RNF130: variants seen among roughly 807,000 people sequenced by gnomAD.
RNF130 encodes E3 ubiquitin-protein ligase RNF130.
RNF130 carries 21 observed loss-of-function variants against 44.6 expected under a neutral mutation model. That is an observed-to-expected ratio of 0.47 (90% CI 0.33 to 0.68). The LOEUF is 0.68. Ranked by LOEUF, RNF130 falls within the 30% of genes least tolerant of loss-of-function variation. The probability of loss-of-function intolerance (pLI) is 0.02; values close to 1 mark genes in which losing one functional copy is unlikely to be tolerated. For missense variants in RNF130, 479 were observed against 560.6 expected (o/e 0.85, Z 1.47); for synonymous variants, 214 against 210.4 (o/e 1.02, Z -0.15).
exon 8 of RNF130, chr5:179,912,702 G>C (rs896767185): frequency 6.6e-6 from 1 of 152,250 alleles, no homozygotes; most frequent in African/African-American, 2.4e-5. Context: ...AAGAGAAATG[G>C]CCAGGACGGT....
At chr5:179,932,361 G>A (rs193275102) in intron 7 of RNF130, among the ~76,000 whole-genome samples, 45 of 152,082 alleles carry the variant, frequency 3.0e-4, no homozygotes, top group African/African-American at 9.9e-4. Context: ...AGGTTCAAGC[G>A]ATTCTCCTCC....
chr5:180,036,476 C>T (rs1178038117), intron 2 of RNF130, among the ~76,000 whole-genome samples: 1 of 152,206 alleles, frequency 6.6e-6, no homozygotes, highest in East Asian at 1.9e-4. Context: ...GCAGAAACTC[C>T]ACACAGCATA....
At chr5:179,992,612 T>A (rs1378561701) in intron 3 of RNF130, among the ~76,000 whole-genome samples, 1 of 152,224 alleles carries the variant, frequency 6.6e-6, no homozygotes, top group Non-Finnish European at 1.5e-5. Context: ...TGTCATATTA[T>A]CTTTTTCATA....
intron 1 of RNF130, among the ~76,000 whole-genome samples, chr5:180,041,742 A>G (rs1343583028): frequency 6.6e-6 from 1 of 152,228 alleles, no homozygotes; most frequent in Non-Finnish European, 1.5e-5. Context: ...AAGGGAACAC[A>G]GCGCATGGAT....
chr5:179,965,305 G>A (rs778512523), intron 7 of RNF130, among the ~76,000 whole-genome samples: 2 of 152,222 alleles, frequency 1.3e-5, no homozygotes, highest in Non-Finnish European at 2.9e-5. Context: ...GGGTGCCAGC[G>A]GGAGGCACTG....
In RNF130 at chr5:180,043,946, G is replaced by A. The variant is rs1328350095; in HGVS notation, c.248-3299C>T. Among the ~76,000 whole-genome samples the A allele has an allele frequency of 2.0e-5, 3 of 152,110 alleles. 1 individual carries two copies. Among genetic ancestry groups the A allele is most frequent in the African/African-American group, 7.2e-5 (3 of 41,428 alleles). On this transcript the variant is annotated intron_variant, in intron 1 of 8. Coordinates refer to ENST00000521389, the MANE Select transcript of RNF130 (RefSeq NM_018434.6). ...TTTTCATAAACAGGAACTTAATACT[G>A]TAGTATACTCATTCTACCTAGTTAT...
rs774401470 is a variant in RNF130, at chr5:180,040,518, T to C, written c.377A>G (p.Asn126Ser). 1.9e-6 allele frequency: 3 copies of C among 1,614,104 alleles called. No individual in the cohort carries two copies. Among genetic ancestry groups the C allele is most frequent in the Middle Eastern group, 1.6e-4 (1 of 6,084 alleles). ...KEKISRAAFH[N>S]AVAVVIYNNK... is the part of the protein sequence containing the mutation. ...ATTGTAGATGACTACAGCAACTGCA[T>C]TGTGGAAAGCGGCCCGTGATATTTT... is the stretch of plus-strand genomic sequence containing the variant. Residue 126 changes from asparagine to serine, a missense_variant, in exon 2 of 9, where the codon AAT becomes AGT. Coordinates refer to ENST00000521389, the MANE Select transcript of RNF130 (RefSeq NM_018434.6).
chr5:179,958,893 C>T (rs1762267044), intron 8 of RNF130, among the ~76,000 whole-genome samples: 1 of 152,098 alleles, frequency 6.6e-6, no homozygotes, highest in Non-Finnish European at 1.5e-5. Context: ...GTTGGCTAGG[C>T]TTGTCTTGAA....
intron 1 of RNF130, among the ~76,000 whole-genome samples, chr5:180,051,385 G>A (rs1238795648): frequency 6.6e-6 from 1 of 151,974 alleles, no homozygotes; most frequent in Non-Finnish European, 1.5e-5. Flanking sequence ...GAGTAGCTGG[G>A]ACTACAGGTG....
At chr5:179,954,328 A>G (rs759458665), downstream of RNF130, among the ~76,000 whole-genome samples, 4 of 152,260 alleles carry the variant, frequency 2.6e-5, no homozygotes, top group Admixed American at 6.5e-5. Flanking sequence ...ACAGCCGAAC[A>G]GCGGAAACAA....
rs995943447 is a variant in RNF130, at chr5:179,977,983, G to A, written c.848+220C>T. Among the ~76,000 whole-genome samples the A allele has an allele frequency of 5.3e-5, 8 of 152,206 alleles. No homozygotes were observed. Among genetic ancestry groups the A allele is most frequent in the African/African-American group, 9.6e-5 (4 of 41,454 alleles). ...GAGTCTGGAGGCCGCGTGCCACATC[G>A]CATATTGGCTACACCTCGGAAGGCC... On this transcript the variant is annotated intron_variant, in intron 5 of 8. Coordinates refer to ENST00000521389, the MANE Select transcript of RNF130 (RefSeq NM_018434.6). This position sits in a 1 kb window ranked among gnomAD's most constrained non-coding sequence, Gnocchi z 4.1.
chr5:179,925,516 T>C (rs983571369), intron 7 of RNF130, among the ~76,000 whole-genome samples: 17 of 152,052 alleles, frequency 1.1e-4, no homozygotes, highest in African/African-American at 4.1e-4. Context: ...TTCATTTATT[T>C]ATTTATTTAT....
At chr5:180,070,981 A>AC (rs11359101) in intron 1 of RNF130, among the ~76,000 whole-genome samples, 3,499 of 140,870 alleles carry the variant, frequency 0.025, 44 homozygotes, top group African/African-American at 0.044. Context: ...TTCCATTTAC[A>AC]CCCCCCCCCC....
chr5:180,046,743 C>T (rs543705860), intron 1 of RNF130, among the ~76,000 whole-genome samples: 17 of 152,302 alleles, frequency 1.1e-4, no homozygotes, highest in Admixed American at 3.3e-4. Flanking sequence ...TTCTCCAGAA[C>T]GCTTTCCCAG....
intron 1 of RNF130, among the ~76,000 whole-genome samples, chr5:180,056,772 AG>A (rs1764834310): frequency 6.6e-6 from 1 of 152,180 alleles, no homozygotes; most frequent in African/African-American, 2.4e-5. Context: ...ACCACCAAAA[AG>A]CAGGAAACCC....
At chr5:180,040,374 A>G (rs1764378217) in intron 2 of RNF130, 79 bp downstream of exon 2, 1 of 1,311,072 alleles carries the variant, frequency 7.6e-7, no homozygotes, top group African/African-American at 1.5e-5. Context: ...ACATGGCTTC[A>G]GCAGAGGCAG....
intron 3 of RNF130, among the ~76,000 whole-genome samples, chr5:179,993,502 G>T (rs1447479605): frequency 1.3e-5 from 2 of 152,138 alleles, no homozygotes; most frequent in African/African-American, 4.8e-5. Flanking sequence ...TCATGTGTCT[G>T]TTGGCTGCAT....
intron 5 of RNF130, among the ~76,000 whole-genome samples, chr5:179,972,404 C>G (rs1224732572): frequency 2.0e-5 from 3 of 152,210 alleles, no homozygotes; most frequent in Non-Finnish European, 2.9e-5. Flanking sequence ...GAAGGTGCTG[C>G]AGGTCAGGCC....
intron 5 of RNF130, among the ~76,000 whole-genome samples, chr5:179,975,834 C>T (rs902343850): frequency 1.8e-4 from 27 of 152,220 alleles, no homozygotes; most frequent in Admixed American, 1.5e-3. Context: ...CAAACCACTT[C>T]TATGGTGGCA....
Sources: allele counts gnomAD v4.1 joint callset (sites outside exome capture counted in the v4.1 genomes callset), GRCh38; gene constraint gnomAD v4.1.1; non-coding constraint Gnocchi (gnomAD v3.1); transcripts MANE v1.5; gene names NCBI Gene and HGNC (gene_info 2026-07-23, HGNC 2026-07-21).